Variants in ERMARD observed in about 807,000 individuals in gnomAD.
ERMARD encodes the protein ER membrane associated RNA degradation.
A neutral mutation model predicts 83.9 loss-of-function variants in ERMARD; 71 were observed. The observed-to-expected ratio is 0.85, with a 90% CI of 0.70 to 1.03. The LOEUF (loss-of-function observed/expected upper bound fraction) is 1.03, where lower values mean the gene tolerates loss of function less well. Among genes scored for constraint, ERMARD ranks in the 50% least tolerant of loss-of-function variants. The pLI is 0.00. For synonymous variants in ERMARD, 284 were observed against 298.6 expected (o/e 0.95, Z 0.50); for missense variants, 838 against 810.9 (o/e 1.03, Z -0.41).
chr6:169,772,252 C>A (rs774102735), intron 12 of ERMARD, among the ~76,000 whole-genome samples: 62 of 152,230 alleles, frequency 4.1e-4, no homozygotes, highest in Non-Finnish European at 5.7e-4. Context: ...CATCTTGGAA[C>A]AGAAGCCAGG....
chr6:169,753,495 G>C (rs1790416475), intron 1 of ERMARD: 1 of 158,464 alleles, frequency 6.3e-6, no homozygotes, highest in African/African-American at 2.4e-5. Flanking sequence ...GAGCAATAAT[G>C]CTCTGGTCGT....
intron 1 of ERMARD, among the ~76,000 whole-genome samples, chr6:169,752,591 C>T (rs900972632): frequency 1.3e-5 from 2 of 152,188 alleles, no homozygotes; most frequent in Non-Finnish European, 2.9e-5. Flanking sequence ...GAAAGTGCAA[C>T]TTCTGGGTGC....
intron 5 of ERMARD, among the ~76,000 whole-genome samples, chr6:169,758,044 TCTC>T (rs1419578797): frequency 2.0e-5 from 3 of 152,168 alleles, no homozygotes; most frequent in African/African-American, 7.2e-5. Flanking sequence ...AGCAAAAAGA[TCTC>T]CTGAAGTTGC....
chr6:169,754,989 G>C (rs1175134798), intron 2 of ERMARD, among the ~76,000 whole-genome samples: 2 of 151,894 alleles, frequency 1.3e-5, no homozygotes, highest in East Asian at 3.9e-4. Context: ...TGTGAGCCTG[G>C]TTTTCTGTAT....
At chr6:169,759,742 T>C in intron 6 of ERMARD, 96 bp from the exon 7 acceptor site, 6 of 1,221,356 alleles carry the variant, frequency 4.9e-6, no homozygotes, top group Non-Finnish European at 7.0e-6. Context: ...AATTTAACTT[T>C]GCTTTCTTAA....
Position 169,777,161 on chromosome 6 carries a change from T to G in ERMARD, c.1739+488T>G, listed in dbSNP as rs114007330. On this transcript the variant is annotated intron_variant, in intron 16 of 17. Transcript: ENST00000366773. ...GAGTGGGGGTAGAGGAATAGTCACT[T>G]AGACCTTAGTGTGGCTCAGTGAAGC... 2.5e-3 allele frequency among the ~76,000 whole-genome samples: 380 copies of G among 152,348 alleles called. 2 individuals are homozygous for G. The highest frequency in any genetic ancestry group is 8.8e-3 in the African/African-American group (365 of 41,576).
intron 10 of ERMARD, 78 bp from the exon 11 acceptor site, chr6:169,768,025 A>G: frequency 7.7e-6 from 9 of 1,167,244 alleles, no homozygotes; most frequent in Admixed American, 5.3e-5. Context: ...TAAAAGTACT[A>G]TATCCATCAA....
intron 1 of ERMARD, among the ~76,000 whole-genome samples, chr6:169,752,480 A>G (rs1790252022): frequency 6.6e-6 from 1 of 152,228 alleles, no homozygotes; most frequent in African/African-American, 2.4e-5. Context: ...GGAGGATGCG[A>G]GTGACAATCG....
At position 169,751,859 on chromosome 6, in the gene ERMARD, T is replaced by C. The variant is rs1237913469; in HGVS notation, c.6+196T>C. ...CGGACGCTCGGCCCTGCAAGACGCC[T>C]GGCGGGCCCTGCCGGCCTCCCTGGG... On this transcript the variant is annotated intron_variant, in intron 1 of 17. Transcript: ENST00000366773. 3 of 771,776 alleles carry C rather than the reference T, an allele frequency of 3.9e-6. No homozygotes were observed. The African/African-American group carries it at 5.6e-5, about 14-fold the overall frequency. The allele number at this position is 771,776 out of a possible 1,614,324, so 47.8% of individuals were successfully genotyped here.
At chr6:169,762,822 G>A (rs1166509339) in intron 9 of ERMARD, among the ~76,000 whole-genome samples, 5 of 152,180 alleles carry the variant, frequency 3.3e-5, no homozygotes, top group Admixed American at 6.5e-5. Context: ...CTGTAACCGC[G>A]TGAGATGGCT....
In ERMARD at chr6:169,751,662, A is replaced by G. The variant is rs200330797; in HGVS notation, c.5A>G (p.Glu2Gly). 2 of 1,559,088 alleles carry G rather than the reference A, an allele frequency of 1.3e-6. No homozygotes were observed. Among genetic ancestry groups the G allele is most frequent in the Admixed American group, 3.9e-5 (2 of 51,364 alleles). ...CGCAGCGGGGCACCGGAAGTTATGG[A>G]GGTAGGGCGGGTGTAGGGCCCGGTT... Reference protein sequence around the residue: MEVLIGDPITTC... With the variant: MGVLIGDPITTC... The change falls in exon 1 of 18, where the codon GAG (glutamate) becomes GGG (glycine). Residue 2 changes from glutamate to glycine, a missense_variant and splice_region_variant. Glu to Gly is a moderately conservative substitution (Grantham distance 98). Transcript: ENST00000366773.
At chr6:169,769,429 A>G in intron 11 of ERMARD, 111 bp from the exon 12 acceptor site, 1 of 993,850 alleles carries the variant, frequency 1.0e-6, no homozygotes, top group Non-Finnish European at 1.4e-6. Flanking sequence ...AGTCCCACCC[A>G]GGGCTTCAGA....
At position 169,779,173 on chromosome 6, in the gene ERMARD, T is replaced by C. The variant is rs1793922161; in HGVS notation, c.1740-9T>C. On this transcript the variant is annotated splice_polypyrimidine_tract_variant and intron_variant, in intron 16 of 17. Transcript: ENST00000366773. ...CCTCACATTTTAATTTACTTTTATC[T>C]GTTTTTAGTATCAGACTACTGTCCC... 1.2e-6 allele frequency: 2 copies of C among 1,608,172 alleles called. No individual in the cohort carries two copies. Among genetic ancestry groups the C allele is most frequent in the Non-Finnish European group, 1.7e-6 (2 of 1,174,516 alleles).
At chr6:169,764,877 C>A (rs1360082657) in intron 9 of ERMARD, among the ~76,000 whole-genome samples, 1 of 152,242 alleles carries the variant, frequency 6.6e-6, no homozygotes, top group African/African-American at 2.4e-5. Context: ...AGAGGCTCAT[C>A]TACTCAAAGG....
In ERMARD at chr6:169,760,008, T is replaced by C. The variant is rs146157026; in HGVS notation, c.742+34T>C. 2.3e-5 allele frequency: 37 copies of C among 1,613,074 alleles called. No homozygotes were observed. The African/African-American group carries it at 4.4e-4, about 19-fold the overall frequency. On this transcript the variant is annotated intron_variant, in intron 7 of 17. Transcript: ENST00000366773. ...TATGTTTCACATTTTTCCTTATAGCTTTGCGTAGATATTTGCAAAGTCAGT... is the reference window on the plus strand; with the variant it reads ...TATGTTTCACATTTTTCCTTATAGCCTTGCGTAGATATTTGCAAAGTCAGT...
At chr6:169,762,995 GTC>G (rs1791744839) in intron 9 of ERMARD, among the ~76,000 whole-genome samples, 1 of 152,192 alleles carries the variant, frequency 6.6e-6, no homozygotes. Flanking sequence ...GAAAGCCTTT[GTC>G]TCAGTTTCTT....
chr6:169,775,349 G>T lies in ERMARD; in HGVS notation c.1394+3G>T. On this transcript the variant is annotated splice_donor_region_variant and intron_variant, in intron 14 of 17. Coordinates refer to ENST00000366773, the MANE Select transcript of ERMARD (RefSeq NM_018341.3). Reference sequence around the variant, plus strand: ...GAACTCACTCGGCAAGCCGTCAGGTGCGTGGCATCCTGGGGCCTGGCTGAC... The same window carrying T: ...GAACTCACTCGGCAAGCCGTCAGGTTCGTGGCATCCTGGGGCCTGGCTGAC... 1 of 1,614,050 alleles carries T rather than the reference G, an allele frequency of 6.2e-7. No individual in the cohort carries two copies. Among genetic ancestry groups the T allele is most frequent in the South Asian group, 1.1e-5 (1 of 91,066 alleles).
intron 8 of ERMARD, among the ~76,000 whole-genome samples, chr6:169,761,365 C>T (rs1791531952): frequency 6.6e-6 from 1 of 152,002 alleles, no homozygotes; most frequent in African/African-American, 2.4e-5. Flanking sequence ...TGTAAGTGTG[C>T]ACTACTGTGC....
chr6:169,763,164 T>C (rs535769384), intron 9 of ERMARD, among the ~76,000 whole-genome samples: 4 of 152,338 alleles, frequency 2.6e-5, no homozygotes, highest in African/African-American at 7.2e-5. Flanking sequence ...TTAGTAGTTA[T>C]GATAAGATCC....
Sources: gnomAD v4.1 joint callset for allele counts (sites outside exome capture counted in the v4.1 genomes callset) on GRCh38, gnomAD v4.1.1 for gene constraint, MANE v1.5 for transcripts, NCBI Gene and HGNC (gene_info 2026-07-23, HGNC 2026-07-21) for gene names.